Variants in RBM27 observed in about 807,000 individuals in gnomAD.
The protein encoded by RBM27 is RNA-binding protein 27.
A neutral mutation model predicts 135.3 loss-of-function variants in RBM27; 22 were observed. The ratio of observed to expected loss-of-function variants is 0.16; its 90% CI spans 0.12 to 0.23. The LOEUF (loss-of-function observed/expected upper bound fraction) is 0.23. Among genes scored for constraint, RBM27 ranks in the 10% least tolerant of loss-of-function variants. The probability of loss-of-function intolerance (pLI) is 1.00; values close to 1 mark genes in which losing one functional copy is unlikely to be tolerated. For missense variants in RBM27, 1,009 were observed against 1,281.0 expected (o/e 0.79, Z 3.24); for synonymous variants, 481 against 442.4 (o/e 1.09, Z -1.10).
chr5:146,284,529 C>A, intron 19 of RBM27, 93 bp from the exon 20 acceptor site: 1 of 804,978 alleles, frequency 1.2e-6, no homozygotes, highest in Non-Finnish European at 2.2e-6. Context: ...TTCTCTCCTG[C>A]CCTATGTTAT....
intron 19 of RBM27, among the ~76,000 whole-genome samples, chr5:146,283,035 T>C (rs768593306): frequency 5.3e-5 from 8 of 152,188 alleles, no homozygotes; most frequent in African/African-American, 1.7e-4. Context: ...AGACCTCTTA[T>C]CCTCTTTGGA....
chr5:146,258,131 T>C (rs1758202220), intron 10 of RBM27, among the ~76,000 whole-genome samples: 1 of 152,196 alleles, frequency 6.6e-6, no homozygotes, highest in South Asian at 2.1e-4. Context: ...GAGCTCTCCA[T>C]TGTAAATGTA....
chr5:146,225,569 T>A (rs1026694078), intron 3 of RBM27, among the ~76,000 whole-genome samples: 1 of 85,924 alleles, frequency 1.2e-5, no homozygotes, highest in Non-Finnish European at 3.0e-5. Context: ...ACCTTTCTGT[T>A]TTTTTTTTTT....
chr5:146,253,001 A>G (rs548276509), intron 9 of RBM27, among the ~76,000 whole-genome samples: 1 of 152,106 alleles, frequency 6.6e-6, no homozygotes, highest in African/African-American at 2.4e-5. Context: ...TTATTTATTT[A>G]TTTTTGAGAC....
In RBM27 at chr5:146,267,617, G is replaced by T. The variant is rs144071319; in HGVS notation, c.2332-32G>T. 2.1e-4 allele frequency: 277 copies of T among 1,333,156 alleles called. 2 individuals carry two copies. In the East Asian group the frequency reaches 6.3e-3, roughly 30 times the overall value. 82.6% of individuals were successfully genotyped at this position (1,333,156 alleles called of 1,614,324 possible). A position where few individuals can be genotyped will look rare whatever the true frequency, so the allele number is the denominator to read the frequency against. ...GCATTTCTAAGATATAATTATATTT[G>T]TGTGTGCTTTTTTTTTTTCTTTATT... is the stretch of plus-strand genomic sequence containing the variant. On this transcript the variant is annotated intron_variant, in intron 14 of 20. Transcript: ENST00000265271.
At chr5:146,237,082 G>A (rs907137912) in intron 7 of RBM27, among the ~76,000 whole-genome samples, 3 of 151,980 alleles carry the variant, frequency 2.0e-5, no homozygotes, top group East Asian at 3.9e-4. Flanking sequence ...GGGATTACAG[G>A]CATGTGCCAC....
chr5:146,232,959 A>G (rs966523651), intron 6 of RBM27, among the ~76,000 whole-genome samples: 2 of 152,228 alleles, frequency 1.3e-5, no homozygotes, highest in African/African-American at 2.4e-5. Flanking sequence ...TACTATGTAC[A>G]GTGCTACAAG....
chr5:146,237,927 A>T (rs1048232892), intron 8 of RBM27, among the ~76,000 whole-genome samples: 1 of 152,098 alleles, frequency 6.6e-6, no homozygotes, highest in African/African-American at 2.4e-5. Flanking sequence ...ACCTCAGGTG[A>T]TCTACCTGCC....
At chr5:146,228,278 CTTTCTTTT>C (rs1268747414) in intron 3 of RBM27, among the ~76,000 whole-genome samples, 2 of 116,860 alleles carry the variant, frequency 1.7e-5, no homozygotes, top group African/African-American at 7.0e-5. Context: ...AGGGACCATT[CTTTCTTTT>C]TTTTTTTTTT....
chr5:146,236,898 G>A (rs964374210), intron 7 of RBM27, among the ~76,000 whole-genome samples: 2 of 148,532 alleles, frequency 1.3e-5, no homozygotes, highest in Admixed American at 6.8e-5. Flanking sequence ...GAGATTACAG[G>A]CATGAGCCAC....
Position 146,230,709 on chromosome 5 carries a change from C to T in RBM27, c.642C>T (p.Ser214=). 1 of 1,613,944 alleles carries T rather than the reference C, an allele frequency of 6.2e-7. No individual in the cohort carries two copies. Among genetic ancestry groups the T allele is most frequent in the Non-Finnish European group, 8.5e-7 (1 of 1,179,874 alleles). The change falls in exon 6 of 21, where the codon TCC becomes TCT. Residue 214 remains serine (S), a synonymous_variant. Transcript: ENST00000265271. ...GTGAAAGGAATGACCTGGAGAGTTCCTATGTGCCTGTGTCTGCACCACCTC... is the reference window on the plus strand; with the variant it reads ...GTGAAAGGAATGACCTGGAGAGTTCTTATGTGCCTGTGTCTGCACCACCTC... ...FKSERNDLES[S]YVPVSAPPPN...
chr5:146,233,264 T>C (rs1757015060), intron 6 of RBM27, among the ~76,000 whole-genome samples, 186 bp from the exon 7 acceptor site: 1 of 152,178 alleles, frequency 6.6e-6, no homozygotes, highest in African/African-American at 2.4e-5. Context: ...GTGTAAAAAG[T>C]AGAGAGTACA....
At chr5:146,278,683 C>T (rs1453663126) in intron 19 of RBM27, among the ~76,000 whole-genome samples, 1 of 151,774 alleles carries the variant, frequency 6.6e-6, no homozygotes, top group Non-Finnish European at 1.5e-5. Flanking sequence ...TATAATACTA[C>T]AGTTGAACCA....
intron 14 of RBM27, 26 bp from the exon 15 acceptor site, chr5:146,267,623 G>C (rs754179036): frequency 1.5e-6 from 2 of 1,343,948 alleles, no homozygotes; most frequent in Non-Finnish European, 2.1e-6. Context: ...ATTTGTGTGT[G>C]CTTTTTTTTT....
At chr5:146,241,854 A>G (rs1380783281) in intron 8 of RBM27, among the ~76,000 whole-genome samples, 2 of 152,234 alleles carry the variant, frequency 1.3e-5, no homozygotes, top group South Asian at 4.1e-4. Context: ...TAAGGTCTGT[A>G]TATGAAAATA....
At chr5:146,278,544 G>A (rs1162248558) in intron 19 of RBM27, among the ~76,000 whole-genome samples, 1 of 151,876 alleles carries the variant, frequency 6.6e-6, no homozygotes, top group Non-Finnish European at 1.5e-5. Context: ...AAAAATGGTA[G>A]CATGTTATAC....
chr5:146,259,127 G>T (rs1758251080), intron 11 of RBM27, among the ~76,000 whole-genome samples: 1 of 151,552 alleles, frequency 6.6e-6, no homozygotes, highest in Non-Finnish European at 1.5e-5. Context: ...AAATTACTGA[G>T]ACACTAGCAA....
In RBM27 at chr5:146,257,184, A is replaced by C. The variant is rs374565063; in HGVS notation, c.1595-1265A>C. Among the ~76,000 whole-genome samples the C allele has an allele frequency of 2.6e-5, 4 of 152,172 alleles. No individual in the cohort carries two copies. In the East Asian group the frequency reaches 7.7e-4, roughly 29 times the overall value. ...GACAAAGATGAAATCAAATGTACCAACTCCTAACCATATACCTACCCCAGC... is the reference window on the plus strand; with the variant it reads ...GACAAAGATGAAATCAAATGTACCACCTCCTAACCATATACCTACCCCAGC... On this transcript the variant is annotated intron_variant, in intron 10 of 20. Coordinates refer to ENST00000265271, the MANE Select transcript of RBM27 (RefSeq NM_018989.2).
At chr5:146,221,164 TAGAA>T (rs995504839) in intron 2 of RBM27, among the ~76,000 whole-genome samples, 4 of 150,564 alleles carry the variant, frequency 2.7e-5, no homozygotes, top group Non-Finnish European at 4.4e-5. Flanking sequence ...AAAAAAAAGT[TAGAA>T]AGGATTTTAG....
Sources: allele counts gnomAD v4.1 joint callset (sites outside exome capture counted in the v4.1 genomes callset), GRCh38; gene constraint gnomAD v4.1.1; transcripts MANE v1.5; gene names NCBI Gene and HGNC (gene_info 2026-07-23, HGNC 2026-07-21).